Variants in C12orf50 observed in about 807,000 individuals in gnomAD.
The protein encoded by C12orf50 is zinc finger CCCH-type containing 11D.
Under a neutral mutation model 61.6 loss-of-function variants are expected in C12orf50, and 35 were observed. The observed-to-expected ratio is 0.57, with a 90% CI of 0.43 to 0.75. The LOEUF (loss-of-function observed/expected upper bound fraction) is 0.75. C12orf50 is among the 30% of genes least tolerant of loss of function. The pLI is 0.00. For synonymous variants in C12orf50, 178 were observed against 161.5 expected, an observed-to-expected ratio of 1.10 and a Z score of -0.77; for missense variants, 475 against 488.5, an observed-to-expected ratio of 0.97 and a Z score of 0.26.
At chr12:88,005,741 G>A (rs1222054146) in intron 3 of C12orf50, among the ~76,000 whole-genome samples, 2 of 151,594 alleles carry the variant, frequency 1.3e-5, no homozygotes, top group Admixed American at 1.3e-4. Context: ...CCCGGTTCAA[G>A]CGAGAATCCA....
intron 3 of C12orf50, among the ~76,000 whole-genome samples, chr12:88,004,481 G>T (rs1323372675): frequency 6.6e-6 from 1 of 152,190 alleles, no homozygotes; most frequent in African/African-American, 2.4e-5. Flanking sequence ...ATTGTGGAGA[G>T]CAGTTTGGCA....
chr12:88,002,568 T>C (rs1405640968), intron 3 of C12orf50, among the ~76,000 whole-genome samples: 1 of 151,830 alleles, frequency 6.6e-6, no homozygotes, highest in Non-Finnish European at 1.5e-5. Flanking sequence ...TTTTCCATTC[T>C]TTTATTTTCA....
intron 3 of C12orf50, among the ~76,000 whole-genome samples, chr12:88,020,028 G>A (rs1428560468): frequency 6.6e-6 from 1 of 152,110 alleles, no homozygotes; most frequent in Non-Finnish European, 1.5e-5. Context: ...CTTACAAGAG[G>A]TCCTGAAAGA....
chr12:87,982,873 T>C (rs1018179165), intron 12 of C12orf50, among the ~76,000 whole-genome samples: 2 of 151,028 alleles, frequency 1.3e-5, no homozygotes, highest in African/African-American at 4.9e-5. Context: ...GAAAGAACTG[T>C]ATAAAAACGT....
At chr12:87,998,781 GA>G (rs1291598642) in intron 3 of C12orf50, among the ~76,000 whole-genome samples, 1 of 152,164 alleles carries the variant, frequency 6.6e-6, no homozygotes, top group Admixed American at 6.5e-5. Context: ...AGGACTGCAA[GA>G]CCAGAACTAA....
At position 87,985,617 on chromosome 12, in the gene C12orf50, C is replaced by G. The variant is rs544017871; in HGVS notation, c.1126+233G>C. The G allele has an allele frequency of 7.1e-5, 40 of 559,618 alleles. No individual in the cohort carries two copies. The South Asian group carries it at 8.9e-4, about 12-fold the overall frequency. The allele number at this position is 559,618 out of a possible 1,614,324, so 34.7% of individuals were successfully genotyped here. A position where few individuals can be genotyped will look rare whatever the true frequency, so the allele number is the denominator to read the frequency against. On this transcript the variant is annotated intron_variant, in intron 11 of 12. Coordinates refer to ENST00000298699, the MANE Select transcript of C12orf50 (RefSeq NM_152589.3). ...AGTGCAGTGCTCTGAGAAAAAAACTCTAGGGAGGTGCAATCTGAAGTCATC... is the reference window on the plus strand; with the variant it reads ...AGTGCAGTGCTCTGAGAAAAAAACTGTAGGGAGGTGCAATCTGAAGTCATC...
At chr12:88,002,039 C>G (rs1166273007) in intron 3 of C12orf50, among the ~76,000 whole-genome samples, 1 of 151,618 alleles carries the variant, frequency 6.6e-6, no homozygotes, top group Admixed American at 6.6e-5. Context: ...ATTCTGTTTG[C>G]TTTAGGTTTA....
At chr12:87,983,218 T>C in intron 11 of C12orf50, 23 bp from the exon 12 acceptor site, 1 of 1,466,562 alleles carries the variant, frequency 6.8e-7, no homozygotes, top group Middle Eastern at 1.8e-4. Flanking sequence ...AATCCAGAAT[T>C]AAATATTTTA....
At chr12:87,994,306 A>G (rs1288229129) in intron 7 of C12orf50, among the ~76,000 whole-genome samples, 1 of 152,174 alleles carries the variant, frequency 6.6e-6, no homozygotes, top group Admixed American at 6.6e-5. Flanking sequence ...ATAGTATATT[A>G]CAGCACATAC....
At chr12:88,014,729 A>T (rs1383790373) in intron 3 of C12orf50, among the ~76,000 whole-genome samples, 2 of 152,224 alleles carry the variant, frequency 1.3e-5, no homozygotes, top group African/African-American at 4.8e-5. Flanking sequence ...CGGGAGATTA[A>T]CTGTATCTAT....
chr12:88,003,260 T>A (rs1457965695), intron 3 of C12orf50, among the ~76,000 whole-genome samples: 1 of 151,928 alleles, frequency 6.6e-6, no homozygotes, highest in Non-Finnish European at 1.5e-5. Context: ...GTGGCTATTA[T>A]TAAATATATT....
intron 11 of C12orf50, chr12:87,984,273 G>C (rs113920045): frequency 6.0e-4 from 92 of 152,244 alleles, no homozygotes; most frequent in African/African-American, 2.1e-3. Flanking sequence ...GGAGTTCACT[G>C]TAGATTCTGG....
At chr12:87,989,974 A>G (rs1162855354) in intron 7 of C12orf50, among the ~76,000 whole-genome samples, 1 of 152,154 alleles carries the variant, frequency 6.6e-6, no homozygotes, top group South Asian at 2.1e-4. Context: ...ACTTTAAATC[A>G]CATTTAACTA....
intron 3 of C12orf50, 84 bp downstream of exon 3, chr12:88,026,404 C>T: frequency 6.8e-7 from 1 of 1,465,070 alleles, no homozygotes; most frequent in Non-Finnish European, 9.2e-7. Flanking sequence ...CCTTGTCATA[C>T]TTTTTAAATG....
At chr12:88,012,867 C>G (rs919875896) in intron 3 of C12orf50, among the ~76,000 whole-genome samples, 1 of 151,932 alleles carries the variant, frequency 6.6e-6, no homozygotes. Flanking sequence ...GAGTTGAGAC[C>G]GGCCTACATA....
At chr12:87,996,226 G>C in intron 6 of C12orf50, 148 bp downstream of exon 6, 2 of 636,020 alleles carry the variant, frequency 3.1e-6, no homozygotes, top group Non-Finnish European at 5.4e-6. Flanking sequence ...GCAGCTTTGG[G>C]TCATCCAATA....
chr12:87,996,535 G>T (rs764304857), intron 5 of C12orf50, 34 bp downstream of exon 5: 1 of 1,590,750 alleles, frequency 6.3e-7, no homozygotes, highest in East Asian at 2.2e-5. Context: ...ATCACATCAA[G>T]TATTAGAAAA....
At chr12:88,017,488 C>A (rs2032356489) in intron 3 of C12orf50, among the ~76,000 whole-genome samples, 1 of 152,104 alleles carries the variant, frequency 6.6e-6, no homozygotes, top group South Asian at 2.1e-4. Context: ...TCTTTATCTG[C>A]AGAATAAAAA....
Position 87,985,846 on chromosome 12 carries a change from T to C in C12orf50, c.1126+4A>G. ...GAGTAAACCACATCAACAAAGGACC[T>C]CACCTGGACTGAGGTTGGGTTTGGG... On this transcript the variant is annotated splice_donor_region_variant and intron_variant, in intron 11 of 12. Transcript: ENST00000298699. 1.2e-6 allele frequency: 2 copies of C among 1,612,158 alleles called. No homozygotes were observed. Among genetic ancestry groups the C allele is most frequent in the Non-Finnish European group, 1.7e-6 (2 of 1,179,648 alleles).
Sources: gnomAD v4.1 joint callset for allele counts (sites outside exome capture counted in the v4.1 genomes callset) on GRCh38, gnomAD v4.1.1 for gene constraint, MANE v1.5 for transcripts, NCBI Gene and HGNC (gene_info 2026-07-23, HGNC 2026-07-21) for gene names.